Variants in KALRN observed in about 807,000 individuals in gnomAD.
The protein encoded by KALRN is kalirin.
KALRN carries 70 observed loss-of-function variants against 353.7 expected under a neutral mutation model. The ratio of observed to expected loss-of-function variants is 0.20; its 90% CI spans 0.16 to 0.24. KALRN has a LOEUF of 0.24. Among genes scored for constraint, KALRN ranks in the 10% least tolerant of loss-of-function variants. KALRN has a pLI of 1.00. For synonymous variants in KALRN, 1,391 were observed against 1,434.8 expected, an observed-to-expected ratio of 0.97 and a Z score of 0.69; for missense variants, 2,791 against 3,756.7, an observed-to-expected ratio of 0.74 and a Z score of 6.72.
intron 37 of KALRN, among the ~76,000 whole-genome samples, chr3:124,642,723 CTCATCATA>C (rs1340218771): frequency 1.3e-5 from 2 of 151,260 alleles, no homozygotes; most frequent in Non-Finnish European, 2.9e-5. Context: ...AAATAATGGC[CTCATCATA>C]TCCATTGCAG....
chr3:124,642,673 C>T (rs895752740), intron 37 of KALRN, among the ~76,000 whole-genome samples: 12 of 151,960 alleles, frequency 7.9e-5, no homozygotes, highest in Admixed American at 5.9e-4. Flanking sequence ...TGTCAATAGC[C>T]GGGTGGAGTT....
chr3:124,155,199 G>T (rs900541013), intron 1 of KALRN, among the ~76,000 whole-genome samples: 2 of 152,160 alleles, frequency 1.3e-5, no homozygotes, highest in African/African-American at 4.8e-5. Context: ...ATAGGCATGG[G>T]CAAGGACTTC....
At chr3:124,070,764 T>C (rs1392403115) in intron 1 of KALRN, among the ~76,000 whole-genome samples, 1 of 152,220 alleles carries the variant, frequency 6.6e-6, no homozygotes, top group Non-Finnish European at 1.5e-5. Context: ...GCCTTGTGTG[T>C]CAATTTCAGT....
At chr3:124,469,593 C>T (rs1015650078) in intron 25 of KALRN, among the ~76,000 whole-genome samples, 1 of 152,184 alleles carries the variant, frequency 6.6e-6, no homozygotes, top group Non-Finnish European at 1.5e-5. Flanking sequence ...GTTACCCAGC[C>T]TTGCTTTGAA....
intron 34 of KALRN, chr3:124,584,977 G>A: frequency 7.3e-7 from 1 of 1,375,124 alleles, no homozygotes. Flanking sequence ...AGGGAGGGTG[G>A]TAGGGAGGGA....
chr3:124,717,124 T>G (rs1176549143), intron 58 of KALRN, 123 bp from the exon 59 acceptor site: 12 of 813,780 alleles, frequency 1.5e-5, no homozygotes, highest in Non-Finnish European at 2.2e-5. Flanking sequence ...TGTTGCACAT[T>G]TGGTCTTCAT....
intron 34 of KALRN, among the ~76,000 whole-genome samples, chr3:124,576,438 C>T (rs190540343): frequency 9.3e-4 from 141 of 152,130 alleles, no homozygotes; most frequent in African/African-American, 3.3e-3. Context: ...GCATGTAGAA[C>T]GGTAAAGGAA....
At chr3:124,447,274 T>G (rs1034079284) in intron 21 of KALRN, among the ~76,000 whole-genome samples, 2 of 152,178 alleles carry the variant, frequency 1.3e-5, no homozygotes, top group African/African-American at 4.8e-5. Flanking sequence ...GTTTGGGAAG[T>G]CCACCTTATT....
intron 23 of KALRN, among the ~76,000 whole-genome samples, chr3:124,458,273 C>T (rs1356324732): frequency 3.3e-5 from 2 of 59,972 alleles, no homozygotes; most frequent in Admixed American, 1.9e-4. Flanking sequence ...AAGACTCTGT[C>T]TCAAAAAAAA....
intron 3 of KALRN, among the ~76,000 whole-genome samples, chr3:124,247,325 T>A (rs2070431831): frequency 6.6e-6 from 1 of 152,208 alleles, no homozygotes; most frequent in African/African-American, 2.4e-5. Context: ...ATTGAAACAC[T>A]GAAATTTAAG....
intron 1 of KALRN, among the ~76,000 whole-genome samples, chr3:124,198,804 A>G (rs971384057): frequency 3.9e-5 from 6 of 152,236 alleles, no homozygotes; most frequent in Admixed American, 3.9e-4. Context: ...TCGCTGCTCT[A>G]GAAGCTCCTT....
intron 34 of KALRN, among the ~76,000 whole-genome samples, chr3:124,623,428 A>ACACACACACACACACACACAC (rs1554055226): frequency 3.1e-4 from 38 of 122,812 alleles, no homozygotes; most frequent in Middle Eastern, 4.1e-3. Flanking sequence ...ACACACACAC[A>ACACACACACACACACACACAC]AAAGGGAGTT....
chr3:124,286,066 C>CT (rs1310158302), intron 5 of KALRN, among the ~76,000 whole-genome samples: 1 of 110,382 alleles, frequency 9.1e-6, no homozygotes, highest in African/African-American at 3.1e-5. Flanking sequence ...GTGCTGTTTT[C>CT]TTTCTTTCTT....
At chr3:124,583,928 G>A (rs963822322) in intron 34 of KALRN, among the ~76,000 whole-genome samples, 12 of 152,176 alleles carry the variant, frequency 7.9e-5, no homozygotes, top group Admixed American at 3.3e-4. Flanking sequence ...GGGAGGCTAA[G>A]GCAGGAGGAT....
At chr3:124,196,379 G>T (rs2075428928) in intron 1 of KALRN, among the ~76,000 whole-genome samples, 1 of 152,134 alleles carries the variant, frequency 6.6e-6, no homozygotes, top group African/African-American at 2.4e-5. Context: ...CCATTTCCTA[G>T]ATTGGAGAGG....
rs1488593863 is a variant in KALRN, at chr3:124,233,012, C to T, written c.149-1817C>T. Among the ~76,000 whole-genome samples, 6 of 152,118 alleles carry T rather than the reference C, an allele frequency of 3.9e-5. No homozygotes were observed. In the East Asian group the frequency reaches 9.8e-4, roughly 25 times the overall value. Reference sequence around the variant, plus strand: ...GAGGAAAGAAAAAGTGACTATCTTCCAGCCATCTAAAAAGCTCCCCGGCCG... The same window carrying T: ...GAGGAAAGAAAAAGTGACTATCTTCTAGCCATCTAAAAAGCTCCCCGGCCG... On this transcript the variant is annotated intron_variant, in intron 2 of 59. Transcript: ENST00000682506.
intron 14 of KALRN, among the ~76,000 whole-genome samples, chr3:124,416,892 C>T (rs1279616893): frequency 6.6e-6 from 1 of 152,194 alleles, no homozygotes; most frequent in African/African-American, 2.4e-5. Context: ...GGTATTTAGT[C>T]CATGCTAAAT....
In KALRN at chr3:124,455,214, C is replaced by G. The variant is rs754690715; in HGVS notation, c.3590C>G (p.Ala1197Gly). 46 of 1,614,000 alleles carry G rather than the reference C, an allele frequency of 2.9e-5. No homozygotes were observed. The highest frequency in any genetic ancestry group is 3.8e-5 in the Non-Finnish European group (45 of 1,180,014). ...KEKVKLLIQL[A>G]DSFVEKGHIH... The stretch of plus-strand genomic sequence containing the variant: ...AAGGTGAAGCTTCTGATTCAGCTGG[C>G]CGATAGCTTTGTGGAAAAAGGCCAC... Residue 1197 changes from alanine (A) to glycine (G), a missense_variant, in exon 22 of 60, where the codon GCC (alanine) becomes GGC (glycine). Coordinates refer to ENST00000682506, the MANE Select transcript of KALRN (RefSeq NM_001388419.1).
chr3:124,663,403 G>A (rs747389683), intron 45 of KALRN, among the ~76,000 whole-genome samples: 4 of 152,284 alleles, frequency 2.6e-5, no homozygotes, highest in Non-Finnish European at 5.9e-5. Flanking sequence ...TTCAACATAG[G>A]AATTGATGGG....
Sources: gnomAD v4.1 joint callset for allele counts (sites outside exome capture counted in the v4.1 genomes callset) on GRCh38, gnomAD v4.1.1 for gene constraint, MANE v1.5 for transcripts, NCBI Gene and HGNC (gene_info 2026-07-23, HGNC 2026-07-21) for gene names.